The following MINDY4 variants were observed in gnomAD, a reference collection of about 807,000 sequenced individuals.
MINDY4 encodes MINDY lysine 48 deubiquitinase 4, also known as probable ubiquitin carboxyl-terminal hydrolase MINDY-4.
A neutral mutation model predicts 87.0 loss-of-function variants in MINDY4; 68 were observed. The ratio of observed to expected loss-of-function variants is 0.78; its 90% CI spans 0.64 to 0.96. MINDY4 has a LOEUF of 0.96. Among genes scored for constraint, MINDY4 ranks in the 40% least tolerant of loss-of-function variants. MINDY4 has a pLI of 0.00. For synonymous variants in MINDY4, 379 were observed against 363.2 expected (o/e 1.04, Z -0.50); for missense variants, 919 against 928.2 (o/e 0.99, Z 0.13).
In MINDY4 at chr7:30,836,377, T is replaced by A. The variant is rs9655310; in HGVS notation, c.1133-281T>A. On this transcript the variant is annotated intron_variant, in intron 6 of 17. Transcript: ENST00000265299. ...TCCACTCTATGTCCATGCGTGGAACTTTCTAGTGGACCAGTAGCTAAGTCT... is the reference window on the plus strand; with the variant it reads ...TCCACTCTATGTCCATGCGTGGAACATTCTAGTGGACCAGTAGCTAAGTCT... Among the ~76,000 whole-genome samples, 619 of 152,310 alleles carry A rather than the reference T, an allele frequency of 4.1e-3. 6 individuals are homozygous for A. The highest frequency in any genetic ancestry group is 0.014 in the African/African-American group (586 of 41,562).
intron 2 of MINDY4, chr7:30,779,800 T>G (rs1786952345): frequency 2.0e-5 from 3 of 152,220 alleles, no homozygotes; most frequent in Non-Finnish European, 2.9e-5. Flanking sequence ...TGTAATCCTT[T>G]TTTCAAATGA....
chr7:30,833,271 C>G (rs1000999026), intron 6 of MINDY4, among the ~76,000 whole-genome samples: 2 of 152,216 alleles, frequency 1.3e-5, no homozygotes, highest in Middle Eastern at 3.2e-3. Flanking sequence ...ACTCACAGTT[C>G]CACGTTGCTG....
intron 14 of MINDY4, among the ~76,000 whole-genome samples, chr7:30,874,105 C>T (rs562413656): frequency 1.2e-4 from 18 of 152,348 alleles, no homozygotes; most frequent in South Asian, 1.0e-3. Context: ...GGTCAAGGGC[C>T]GTTCTGGCCA....
rs765329703 is a variant in MINDY4, at chr7:30,785,735, T to C, written c.420-14T>C. ...TGGGGAGTCTGTTTTAATGGAAATATTCCTTTTTCACAGACATGACAATCT... is the reference window on the plus strand; with the variant it reads ...TGGGGAGTCTGTTTTAATGGAAATACTCCTTTTTCACAGACATGACAATCT... On this transcript the variant is annotated splice_polypyrimidine_tract_variant and intron_variant, in intron 3 of 17. Coordinates refer to ENST00000265299, the MANE Select transcript of MINDY4 (RefSeq NM_032222.3). 9.3e-6 allele frequency: 15 copies of C among 1,613,722 alleles called. No individual in the cohort carries two copies. The South Asian group carries it at 1.4e-4, about 15-fold the overall frequency.
intron 5 of MINDY4, among the ~76,000 whole-genome samples, 175 bp from the exon 6 acceptor site, chr7:30,828,504 A>C (rs1299183594): frequency 5.3e-5 from 8 of 152,184 alleles, no homozygotes; most frequent in Non-Finnish European, 1.0e-4. Context: ...ATTTGGTCCC[A>C]TCCCATGTGG....
At position 30,872,248 on chromosome 7, in the gene MINDY4, G is replaced by A. The variant is rs764498359; in HGVS notation, c.1751G>A (p.Arg584His). 39 of 1,613,946 alleles carry A rather than the reference G, an allele frequency of 2.4e-5. No homozygotes were observed. The highest frequency in any genetic ancestry group is 6.7e-5 in the African/African-American group (5 of 74,928). Residue 584 changes from arginine (R) to histidine (H), a missense_variant, in exon 14 of 18, where the codon CGC becomes CAC. Transcript: ENST00000265299. ...ATGCTTCTTGTGTTTTCCAGCATCC[G>A]CCAGGACTTTGATGTCCCCACCAGC... ...AILSRSTELI[R>H]QDFDVPTSHL... is the part of the protein sequence containing the mutation.
At chr7:30,846,282 G>A (rs551674391) in intron 9 of MINDY4, among the ~76,000 whole-genome samples, 4 of 152,342 alleles carry the variant, frequency 2.6e-5, no homozygotes, top group South Asian at 2.1e-4. Flanking sequence ...CCATGGGCAC[G>A]TCACAGTGGA....
At chr7:30,862,463 C>A (rs566037206) in intron 13 of MINDY4, among the ~76,000 whole-genome samples, 3 of 152,252 alleles carry the variant, frequency 2.0e-5, no homozygotes, top group Admixed American at 2.0e-4. Flanking sequence ...ACTCCAGCGG[C>A]GCTCCCTGCA....
chr7:30,843,067 A>G (rs1334951883), intron 9 of MINDY4, among the ~76,000 whole-genome samples: 4 of 152,154 alleles, frequency 2.6e-5, no homozygotes, highest in Admixed American at 6.5e-5. Flanking sequence ...CCACTCCAGA[A>G]CACAAGCCCC....
chr7:30,821,544 A>G (rs1259910393), intron 5 of MINDY4, among the ~76,000 whole-genome samples: 1 of 152,182 alleles, frequency 6.6e-6, no homozygotes, highest in East Asian at 1.9e-4. Flanking sequence ...TTTTAAAATG[A>G]CATGTCTAGG....
intron 9 of MINDY4, 97 bp downstream of exon 9, chr7:30,840,945 T>C (rs949924743): frequency 2.0e-5 from 22 of 1,080,308 alleles, no homozygotes; most frequent in Non-Finnish European, 2.9e-5. Flanking sequence ...TTCCCTGATA[T>C]TTCCTGTCTT....
intron 5 of MINDY4, among the ~76,000 whole-genome samples, chr7:30,825,258 G>A (rs1584280465): frequency 6.6e-6 from 1 of 152,316 alleles, no homozygotes; most frequent in Non-Finnish European, 1.5e-5. Context: ...CACATGAAAG[G>A]AACAATAAGT....
intron 9 of MINDY4, among the ~76,000 whole-genome samples, chr7:30,845,180 TC>T (rs1789167388): frequency 1.3e-5 from 2 of 151,922 alleles, no homozygotes; most frequent in Non-Finnish European, 2.9e-5. Flanking sequence ...CCACACAGAC[TC>T]CTAGGGACCA....
intron 2 of MINDY4, chr7:30,779,526 C>T (rs12701028): frequency 0.25 from 37,351 of 152,128 alleles, 5,170 homozygotes; most frequent in Non-Finnish European, 0.31. Flanking sequence ...AATGATATCT[C>T]ATGTGGAAGT....
intron 5 of MINDY4, among the ~76,000 whole-genome samples, chr7:30,807,156 G>T (rs1787836272): frequency 6.6e-6 from 1 of 152,180 alleles, no homozygotes. Flanking sequence ...AGGATTAGAG[G>T]CTGTTTGGCA....
intron 9 of MINDY4, among the ~76,000 whole-genome samples, chr7:30,843,954 C>A (rs1462030101): frequency 6.6e-6 from 1 of 152,186 alleles, no homozygotes; most frequent in Non-Finnish European, 1.5e-5. Flanking sequence ...CAGAGGAGGT[C>A]TGTGCCATGC....
intron 17 of MINDY4, among the ~76,000 whole-genome samples, chr7:30,885,801 T>C (rs1790618148): frequency 6.6e-6 from 1 of 151,204 alleles, no homozygotes; most frequent in African/African-American, 2.4e-5. Flanking sequence ...GGGAACCTTC[T>C]TCCTGGCTCC....
chr7:30,829,298 C>G (rs372409211), intron 6 of MINDY4, among the ~76,000 whole-genome samples: 1 of 149,180 alleles, frequency 6.7e-6, no homozygotes, highest in Non-Finnish European at 1.5e-5. Flanking sequence ...TTTTCTCTCT[C>G]TTTCTGTAAT....
At chr7:30,865,365 A>C (rs1344325984) in intron 13 of MINDY4, among the ~76,000 whole-genome samples, 1 of 152,268 alleles carries the variant, frequency 6.6e-6, no homozygotes, top group Non-Finnish European at 1.5e-5. Context: ...GGCCCCACTA[A>C]TGAAGATTTT....
Sources: gnomAD v4.1 joint callset for allele counts (sites outside exome capture counted in the v4.1 genomes callset) on GRCh38, gnomAD v4.1.1 for gene constraint, MANE v1.5 for transcripts, NCBI Gene and HGNC (gene_info 2026-07-23, HGNC 2026-07-21) for gene names.